Variants in TP63 observed in about 807,000 individuals in gnomAD.
TP63 encodes tumor protein 63.
TP63 carries 17 observed loss-of-function variants against 82.8 expected under a neutral mutation model. The ratio of observed to expected loss-of-function variants is 0.21; its 90% CI spans 0.14 to 0.31. The LOEUF (loss-of-function observed/expected upper bound fraction) is 0.31, where lower values mean the gene tolerates loss of function less well. TP63 is among the 10% of genes least tolerant of loss of function. The pLI is 1.00. For synonymous variants in TP63, 330 were observed against 321.7 expected (o/e 1.03, Z -0.28); for missense variants, 648 against 895.3 (o/e 0.72, Z 3.52).
At chr3:189,811,278 T>C (rs1727541557) in intron 4 of TP63, among the ~76,000 whole-genome samples, 3 of 152,214 alleles carry the variant, frequency 2.0e-5, no homozygotes, top group Admixed American at 2.0e-4. Context: ...AGAAAGTTTT[T>C]AGAAGGGCTT....
the TP63 span, among the ~76,000 whole-genome samples, chr3:189,608,802 A>G: frequency 6.6e-6 from 1 of 152,106 alleles, no homozygotes; most frequent in Non-Finnish European, 1.5e-5. Flanking sequence ...TAATATTTTA[A>G]TATCTTTCCA....
intron 4 of TP63, 23 bp from the exon 5 acceptor site, chr3:189,864,209 C>T (rs745323909): frequency 1.2e-6 from 2 of 1,614,088 alleles, no homozygotes; most frequent in African/African-American, 1.3e-5. Context: ...CTTCCTTTCT[C>T]CACTGGCCCC....
At chr3:189,763,147 G>A (rs988308329) in intron 3 of TP63, among the ~76,000 whole-genome samples, 2 of 152,214 alleles carry the variant, frequency 1.3e-5, no homozygotes, top group South Asian at 4.2e-4. Context: ...GGTGGTGCAT[G>A]CCTGTATTCC....
At chr3:189,692,281 C>T (rs1716993562) in intron 1 of TP63, among the ~76,000 whole-genome samples, 1 of 151,940 alleles carries the variant, frequency 6.6e-6, no homozygotes, top group African/African-American at 2.4e-5. Flanking sequence ...AGAATATGTG[C>T]CTCTTGTTTT....
At chr3:189,767,434 G>A (rs1372138410) in intron 3 of TP63, among the ~76,000 whole-genome samples, 3 of 152,198 alleles carry the variant, frequency 2.0e-5, no homozygotes, top group Middle Eastern at 3.4e-3. Context: ...TTTATGCAGC[G>A]GAATCAGGAT....
chr3:189,871,566 C>T (rs1718420768), intron 9 of TP63, among the ~76,000 whole-genome samples: 1 of 152,160 alleles, frequency 6.6e-6, no homozygotes, highest in Admixed American at 6.5e-5. Context: ...TGAATTCTGA[C>T]TAATTCTGCC....
At chr3:189,685,328 T>A (rs1285996991) in intron 1 of TP63, among the ~76,000 whole-genome samples, 2 of 152,212 alleles carry the variant, frequency 1.3e-5, no homozygotes, top group Admixed American at 6.5e-5. Flanking sequence ...TTTCTCCCTT[T>A]GCCCTGCATT....
chr3:189,667,041 A>C (rs945554397), intron 1 of TP63, among the ~76,000 whole-genome samples: 1 of 150,476 alleles, frequency 6.6e-6, no homozygotes, highest in African/African-American at 2.4e-5. Flanking sequence ...AAAAAAAAAA[A>C]CTCATAAAAG....
At chr3:189,675,667 T>C (rs1246787603) in intron 1 of TP63, among the ~76,000 whole-genome samples, 2 of 152,132 alleles carry the variant, frequency 1.3e-5, no homozygotes, top group Non-Finnish European at 2.9e-5. Context: ...CATAAATAGA[T>C]TGACATGAAC....
chr3:189,814,751 A>T (rs1193437679), intron 4 of TP63, among the ~76,000 whole-genome samples: 1 of 152,224 alleles, frequency 6.6e-6, no homozygotes, highest in African/African-American at 2.4e-5. Flanking sequence ...CCTCATCCAG[A>T]GCAGAATAAC....
At chr3:189,835,399 T>G (rs981331011) in intron 4 of TP63, among the ~76,000 whole-genome samples, 1 of 152,228 alleles carries the variant, frequency 6.6e-6, no homozygotes, top group African/African-American at 2.4e-5. Flanking sequence ...TTACTTTTTT[T>G]GTCCTAACTG....
intron 1 of TP63, among the ~76,000 whole-genome samples, chr3:189,705,170 T>G (rs1218118330): frequency 6.6e-6 from 1 of 152,232 alleles, no homozygotes; most frequent in Non-Finnish European, 1.5e-5. Context: ...AGCTGTATAG[T>G]GCAGACTCAA....
At chr3:189,880,257 G>A (rs776554860) in intron 10 of TP63, 557 of 1,493,238 alleles carry the variant, frequency 3.7e-4, no homozygotes, top group Non-Finnish European at 4.8e-4. Context: ...ATGTGTGTGC[G>A]TGTGTATCTA....
At chr3:189,709,875 A>G (rs951873587) in intron 1 of TP63, among the ~76,000 whole-genome samples, 1 of 152,122 alleles carries the variant, frequency 6.6e-6, no homozygotes, top group African/African-American at 2.4e-5. Context: ...ACCTTTGCTC[A>G]CTTTTTCTCC....
At chr3:189,743,471 T>C (rs1197336130) in intron 3 of TP63, among the ~76,000 whole-genome samples, 1 of 151,788 alleles carries the variant, frequency 6.6e-6, no homozygotes, top group Non-Finnish European at 1.5e-5. Context: ...TCCACAAAAC[T>C]ATTCAAATAT....
At chr3:189,697,903 T>C (rs1266987777) in intron 1 of TP63, among the ~76,000 whole-genome samples, 1 of 145,494 alleles carries the variant, frequency 6.9e-6, no homozygotes, top group African/African-American at 2.5e-5. Context: ...GACTTTGTTA[T>C]AGTTGCTTAT....
chr3:189,705,736 AG>A (rs908496959), intron 1 of TP63, among the ~76,000 whole-genome samples: 1 of 152,148 alleles, frequency 6.6e-6, no homozygotes, highest in Non-Finnish European at 1.5e-5. Flanking sequence ...AATATTCTCA[AG>A]GGGGGTACAC....
intron 1 of TP63, among the ~76,000 whole-genome samples, chr3:189,721,037 G>T (rs569195159): frequency 6.6e-6 from 1 of 152,358 alleles, no homozygotes; most frequent in African/African-American, 2.4e-5. Context: ...GGCTTCCGAT[G>T]AAGTTGCTAT....
intron 3 of TP63, among the ~76,000 whole-genome samples, chr3:189,801,734 T>G (rs999129172): frequency 6.6e-6 from 1 of 152,202 alleles, no homozygotes; most frequent in African/African-American, 2.4e-5. Flanking sequence ...TATGGAATCT[T>G]GGCACTCAAA....
Sources: allele counts gnomAD v4.1 joint callset (sites outside exome capture counted in the v4.1 genomes callset), GRCh38; gene constraint gnomAD v4.1.1; transcripts MANE v1.5; gene names NCBI Gene and HGNC (gene_info 2026-07-23, HGNC 2026-07-21).